Variants in MAP3K3 observed in about 807,000 individuals in gnomAD.
MAP3K3 encodes the protein MAP/ERK kinase kinase 3.
MAP3K3 carries 12 observed loss-of-function variants against 80.9 expected under a neutral mutation model. That is an observed-to-expected ratio of 0.15 (90% confidence interval 0.10 to 0.24). The LOEUF (loss-of-function observed/expected upper bound fraction) is 0.24. Ranked by LOEUF, MAP3K3 falls within the 10% of genes least tolerant of loss-of-function variation. MAP3K3 has a pLI of 1.00. For missense variants in MAP3K3, 596 were observed against 834.7 expected, an observed-to-expected ratio of 0.71 and a Z score of 3.52; for synonymous variants, 272 against 307.1, an observed-to-expected ratio of 0.89 and a Z score of 1.19.
chr17:63,662,650 A>AT (rs1192833142), intron 5 of MAP3K3, among the ~76,000 whole-genome samples: 1,857 of 82,228 alleles, frequency 0.023, 16 homozygotes, highest in East Asian at 0.061. Context: ...AGAAGAGGGA[A>AT]TTTTTTTTTT....
At chr17:63,675,894 T>C (rs2035210421) in intron 6 of MAP3K3, among the ~76,000 whole-genome samples, 1 of 152,262 alleles carries the variant, frequency 6.6e-6, no homozygotes, top group Non-Finnish European at 1.5e-5. Context: ...TTGCTATCAC[T>C]GCTGGTAAAT....
At chr17:63,659,850 CA>C (rs1278774622) in intron 5 of MAP3K3, among the ~76,000 whole-genome samples, 3 of 151,876 alleles carry the variant, frequency 2.0e-5, no homozygotes, top group Non-Finnish European at 4.4e-5. Flanking sequence ...TTTTTAAATA[CA>C]AAAACTGAGA....
chr17:63,654,610 C>G (rs943931825), intron 4 of MAP3K3, among the ~76,000 whole-genome samples: 2 of 152,120 alleles, frequency 1.3e-5, no homozygotes, highest in African/African-American at 4.8e-5. Context: ...CATAAGATAA[C>G]TCTAACTTTT....
At chr17:63,664,906 C>CT (rs1198634379) in intron 5 of MAP3K3, among the ~76,000 whole-genome samples, 1 of 152,114 alleles carries the variant, frequency 6.6e-6, no homozygotes, top group East Asian at 1.9e-4. Flanking sequence ...ATACCATTCC[C>CT]TTTTGCCCCC....
rs367720019 is a variant in MAP3K3, at chr17:63,691,832, A to G, written c.1444A>G (p.Ser482Gly). The G allele has an allele frequency of 1.4e-5, 22 of 1,614,140 alleles. 1 individual carries two copies. The highest frequency in any genetic ancestry group is 9.3e-5 in the African/African-American group (7 of 75,048). ...QILEGMSYLH[S>G]NMIVHRDIKG... is the part of the protein sequence containing the mutation. The stretch of plus-strand genomic sequence containing the variant: ...CCTGGAGGGCATGTCCTACCTGCAC[A>G]GCAACATGATTGTTCACCGGGACAT... Residue 482 changes from serine to glycine, a missense_variant, in exon 14 of 16, where the codon AGC (serine) becomes GGC (glycine). Coordinates refer to ENST00000361733, the MANE Select transcript of MAP3K3 (RefSeq NM_002401.5). This position sits in a 1 kb window ranked among gnomAD's most constrained non-coding sequence, Gnocchi z 4.8.
At chr17:63,633,167 G>A (rs191128540) in intron 2 of MAP3K3, among the ~76,000 whole-genome samples, 1 of 151,796 alleles carries the variant, frequency 6.6e-6, no homozygotes, top group Non-Finnish European at 1.5e-5. Context: ...GGCAAAGGCT[G>A]CAGTGAGCCG....
chr17:63,667,774 ATTG>A (rs2035028885), intron 6 of MAP3K3, among the ~76,000 whole-genome samples: 1 of 151,906 alleles, frequency 6.6e-6, no homozygotes, highest in Non-Finnish European at 1.5e-5. Flanking sequence ...TTTTTTTGCT[ATTG>A]TTATTTTTTA....
rs1187794011 is a variant in MAP3K3, at chr17:63,655,014, AG to A, written c.267+2359del. Among the ~76,000 whole-genome samples the A allele has an allele frequency of 8.5e-3, 1,288 of 152,222 alleles. 21 individuals are homozygous for A. The highest frequency in any genetic ancestry group is 0.029 in the African/African-American group (1,212 of 41,514). ...TTGCAGCTCATTTGAGACAGAGTTG[AG>A]ACTCTGTCTCAAAAAACGATTAAAA... On this transcript the variant is annotated intron_variant, in intron 4 of 15. Transcript: ENST00000361733.
At chr17:63,660,111 C>T (rs780428671) in intron 5 of MAP3K3, among the ~76,000 whole-genome samples, 4 of 152,326 alleles carry the variant, frequency 2.6e-5, no homozygotes, top group East Asian at 3.9e-4. Flanking sequence ...TCATCACCTC[C>T]GCTGATACTG....
chr17:63,692,741 C>G lies in MAP3K3; in HGVS notation c.1652+322C>G, dbSNP rs1369996517. Among the ~76,000 whole-genome samples, 1 of 152,234 alleles carries G rather than the reference C, an allele frequency of 6.6e-6. No homozygotes were observed. The highest frequency in any genetic ancestry group is 1.5e-5 in the Non-Finnish European group (1 of 68,038). The stretch of plus-strand genomic sequence containing the variant: ...CAGGAGCAGGCTTCTGTCCCTTCTC[C>G]TAGCACTCAAGACAGTTTGCACTTG... On this transcript the variant is annotated intron_variant, in intron 15 of 15. Coordinates refer to ENST00000361733, the MANE Select transcript of MAP3K3 (RefSeq NM_002401.5). This position sits in a 1 kb window ranked among gnomAD's most constrained non-coding sequence, Gnocchi z 4.5.
rs751718307 is a variant in MAP3K3 at position 63,691,826 on chromosome 17, C to T, written c.1438C>T (p.Leu480=). Reference sequence around the variant, plus strand: ...GCAGATCCTGGAGGGCATGTCCTACCTGCACAGCAACATGATTGTTCACCG... The same window carrying T: ...GCAGATCCTGGAGGGCATGTCCTACTTGCACAGCAACATGATTGTTCACCG... ...TRQILEGMSY[L]HSNMIVHRDI... The change falls in exon 14 of 16, where the codon CTG becomes TTG. Residue 480 remains leucine, a synonymous_variant. Coordinates refer to ENST00000361733, the MANE Select transcript of MAP3K3 (RefSeq NM_002401.5). This position sits in a 1 kb window ranked among gnomAD's most constrained non-coding sequence, Gnocchi z 4.8. The T allele has an allele frequency of 1.2e-5, 20 of 1,614,142 alleles. No homozygotes were observed. In the East Asian group the frequency reaches 4.0e-4, roughly 32 times the overall value.
chr17:63,667,786 T>G (rs2035029008), intron 6 of MAP3K3, among the ~76,000 whole-genome samples: 1 of 152,234 alleles, frequency 6.6e-6, no homozygotes, highest in South Asian at 2.1e-4. Context: ...TGTTATTTTT[T>G]ATAATTTTCC....
chr17:63,694,012 C>G lies in MAP3K3; in HGVS notation c.*235C>G. ...GATCCAGGAGCTCCAGTGTCCTGAG[C>G]TCAGCGTGGAGGGGTAGGGGCTGGG... On this transcript the variant is annotated 3_prime_UTR_variant, in exon 16 of 16. Transcript: ENST00000361733. 1 of 501,582 alleles carries G rather than the reference C, an allele frequency of 2.0e-6. No individual in the cohort carries two copies. Among genetic ancestry groups the G allele is most frequent in the East Asian group, 3.6e-5 (1 of 27,868 alleles). The allele number at this position is 501,582 out of a possible 1,614,324, so 31.1% of individuals were successfully genotyped here. A position where few individuals can be genotyped will look rare whatever the true frequency, so the allele number is the denominator to read the frequency against.
chr17:63,657,352 A>C (rs2034792044), intron 4 of MAP3K3, among the ~76,000 whole-genome samples: 1 of 152,172 alleles, frequency 6.6e-6, no homozygotes, highest in South Asian at 2.1e-4. Flanking sequence ...TAAGTGAAAG[A>C]AGCTAGATGA....
At chr17:63,629,128 TTG>T (rs2034165768) in intron 1 of MAP3K3, among the ~76,000 whole-genome samples, 1 of 152,022 alleles carries the variant, frequency 6.6e-6, no homozygotes, top group Admixed American at 6.6e-5. Flanking sequence ...TTGTTATTTG[TTG>T]TTTTTTTTTT....
rs775241912 is a variant in MAP3K3 at position 63,622,720 on chromosome 17, AC to A, written c.-39del. ...GCATGCAGCCCCGGCTGCGGAGGTG[AC>A]ACTCACGGACCTTAGCCACCGCCGC... On this transcript the variant is annotated 5_prime_UTR_variant, in exon 1 of 16. Transcript: ENST00000361733. The A allele has an allele frequency of 4.1e-6, 2 of 483,648 alleles. No homozygotes were observed. The highest frequency in any genetic ancestry group is 4.2e-5 in the African/African-American group (2 of 47,420). 30.0% of individuals were successfully genotyped at this position (483,648 alleles called of 1,614,324 possible).
At chr17:63,652,018 A>G (rs1415486275) in intron 3 of MAP3K3, among the ~76,000 whole-genome samples, 1 of 152,194 alleles carries the variant, frequency 6.6e-6, no homozygotes, top group African/African-American at 2.4e-5. Flanking sequence ...TATTTCCTAA[A>G]TAATTTTTTT....
rs528419801 is a variant in MAP3K3 at position 63,651,474 on chromosome 17, GAAAC to G, written c.168-1071_168-1068del. 1.1e-4 allele frequency among the ~76,000 whole-genome samples: 16 copies of G among 152,088 alleles called. No homozygotes were observed. The South Asian group carries it at 1.5e-3, about 14-fold the overall frequency. On this transcript the variant is annotated intron_variant, in intron 3 of 15. Coordinates refer to ENST00000361733, the MANE Select transcript of MAP3K3 (RefSeq NM_002401.5). Reference sequence around the variant, plus strand: ...AGGTGACAGAACGAGACTCTGTTTTGAAACAAACAAACAAAAAAACCCCACAACT... The same window carrying G: ...AGGTGACAGAACGAGACTCTGTTTTGAAACAAACAAAAAAACCCCACAACT...
intron 7 of MAP3K3, among the ~76,000 whole-genome samples, chr17:63,685,298 G>C (rs1286215106): frequency 2.0e-5 from 3 of 152,146 alleles, no homozygotes; most frequent in African/African-American, 7.2e-5. Context: ...GAGCTCCTTG[G>C]GATGCCAGCC....
Sources: gnomAD v4.1 joint callset for allele counts (sites outside exome capture counted in the v4.1 genomes callset) on GRCh38, gnomAD v4.1.1 for gene constraint, Gnocchi (gnomAD v3.1) non-coding constraint, MANE v1.5 for transcripts, NCBI Gene and HGNC (gene_info 2026-07-23, HGNC 2026-07-21) for gene names.